CDH7: variants seen among roughly 807,000 people sequenced by gnomAD.
CDH7 encodes the protein cadherin-7.
CDH7 carries 25 observed loss-of-function variants against 71.8 expected under a neutral mutation model. The observed-to-expected ratio is 0.35, with a 90% CI of 0.25 to 0.49. CDH7 has a LOEUF of 0.49. Ranked by LOEUF, CDH7 falls within the 20% of genes least tolerant of loss-of-function variation. CDH7 has a pLI of 0.99. For missense variants in CDH7, 862 were observed against 974.6 expected, an observed-to-expected ratio of 0.88 and a Z score of 1.54; for synonymous variants, 381 against 363.8, an observed-to-expected ratio of 1.05 and a Z score of -0.54.
intron 1 of CDH7, among the ~76,000 whole-genome samples, chr18:65,760,480 A>G (rs915234948): frequency 1.3e-5 from 2 of 152,212 alleles, no homozygotes; most frequent in African/African-American, 4.8e-5. Flanking sequence ...CAATGTTACC[A>G]CATCCCCTCA....
intron 7 of CDH7, among the ~76,000 whole-genome samples, chr18:65,850,834 C>T (rs1279582437): frequency 2.1e-5 from 3 of 142,874 alleles, no homozygotes; most frequent in Non-Finnish European, 4.5e-5. Context: ...TTTTTTGAGA[C>T]AGGTCCTCAG....
At chr18:65,792,185 CTTTTTTTTT>C (rs71167149) in intron 2 of CDH7, among the ~76,000 whole-genome samples, 2 of 104,102 alleles carry the variant, frequency 1.9e-5, no homozygotes, top group Admixed American at 1.1e-4. Context: ...TGCAGCCAGT[CTTTTTTTTT>C]TTTTTTTTTT....
At chr18:65,831,014 C>T (rs1912331380) in intron 6 of CDH7, among the ~76,000 whole-genome samples, 1 of 151,916 alleles carries the variant, frequency 6.6e-6, no homozygotes, top group Admixed American at 6.6e-5. Flanking sequence ...TTTTATTATT[C>T]CAGCTAGTCT....
At chr18:65,821,449 G>T (rs1467393497) in intron 4 of CDH7, among the ~76,000 whole-genome samples, 3 of 152,036 alleles carry the variant, frequency 2.0e-5, no homozygotes, top group African/African-American at 7.2e-5. Context: ...CTTAAAGTGA[G>T]CCTGGATTGC....
At chr18:65,756,842 T>A (rs1916043306) in intron 1 of CDH7, among the ~76,000 whole-genome samples, 2 of 152,248 alleles carry the variant, frequency 1.3e-5, no homozygotes, top group Non-Finnish European at 2.9e-5. Context: ...CACTGTGTAC[T>A]TTTTAAAAAA....
chr18:65,880,581 C>T lies in CDH7; in HGVS notation c.2045C>T (p.Thr682Ile), dbSNP rs755656478. 1 of 1,613,884 alleles carries T rather than the reference C, an allele frequency of 6.2e-7. No homozygotes were observed. Among genetic ancestry groups the T allele is most frequent in the Admixed American group, 1.7e-5 (1 of 59,976 alleles). The stretch of plus-strand genomic sequence containing the variant: ...CTCAACGTCATCCGAGACACCAAGA[C>T]CCGGAGGGATGTGACTCCAGAAATT... ...RNLNVIRDTK[T>I]RRDVTPEIQF... Residue 682 changes from threonine (T) to isoleucine (I), a missense_variant, in exon 12 of 12, where the codon ACC becomes ATC. Transcript: ENST00000397968.
At chr18:65,769,550 T>C (rs1238437917) in intron 2 of CDH7, among the ~76,000 whole-genome samples, 1 of 152,230 alleles carries the variant, frequency 6.6e-6, no homozygotes, top group Non-Finnish European at 1.5e-5. Flanking sequence ...TTAACATTGG[T>C]ACAATACTAT....
intron 2 of CDH7, among the ~76,000 whole-genome samples, chr18:65,799,900 A>G (rs981212501): frequency 2.6e-4 from 40 of 152,206 alleles, no homozygotes; most frequent in Non-Finnish European, 1.9e-4. Context: ...GAATTTAAGT[A>G]TAGCCACTAT....
intron 6 of CDH7, among the ~76,000 whole-genome samples, chr18:65,834,717 T>A (rs764661958): frequency 2.0e-5 from 3 of 152,156 alleles, no homozygotes; most frequent in Non-Finnish European, 4.4e-5. Context: ...ATTAGAATAG[T>A]CAAGGAACTG....
intron 7 of CDH7, among the ~76,000 whole-genome samples, chr18:65,854,514 A>AC (rs1913279180): frequency 6.6e-6 from 1 of 151,498 alleles, no homozygotes; most frequent in East Asian, 2.0e-4. Flanking sequence ...CTCAACTTTA[A>AC]TTTTTTTTAT....
chr18:65,850,000 C>A (rs549266438), intron 7 of CDH7, among the ~76,000 whole-genome samples: 2 of 149,344 alleles, frequency 1.3e-5, no homozygotes, highest in Admixed American at 1.3e-4. Flanking sequence ...CCTGTCTTTA[C>A]CAAAAGTACA....
chr18:65,774,011 G>T (rs916596964), intron 2 of CDH7, among the ~76,000 whole-genome samples: 1 of 151,994 alleles, frequency 6.6e-6, no homozygotes, highest in Non-Finnish European at 1.5e-5. Flanking sequence ...TTCTCAAACT[G>T]TCCTTATACT....
rs746869419 is a variant in CDH7 at position 65,814,465 on chromosome 18, G to A, written c.506-20G>A. The A allele has an allele frequency of 6.8e-6, 11 of 1,613,614 alleles. No homozygotes were observed. The highest frequency in any genetic ancestry group is 6.7e-5 in the Admixed American group (4 of 59,982). On this transcript the variant is annotated intron_variant, in intron 3 of 11. Transcript: ENST00000397968. ...GTATTTGGAAGTTTTTAATTCAGTGGTTTTGGGATTGGCATCTAGGGACCT... is the reference window on the plus strand; with the variant it reads ...GTATTTGGAAGTTTTTAATTCAGTGATTTTGGGATTGGCATCTAGGGACCT...
At position 65,885,792 on chromosome 18, in the gene CDH7, A is replaced by G. The variant is rs1291833717; in HGVS notation, c.*4898A>G. 1 of 152,190 alleles carries G rather than the reference A, an allele frequency of 6.6e-6. No homozygotes were observed. Among genetic ancestry groups the G allele is most frequent in the East Asian group, 1.9e-4 (1 of 5,178 alleles). 9.4% of individuals were successfully genotyped at this position (152,190 alleles called of 1,614,324 possible). A position where few individuals can be genotyped will look rare whatever the true frequency, so the allele number is the denominator to read the frequency against. The stretch of plus-strand genomic sequence containing the variant: ...TGTTGTCACCTGCCAAGTGACTGTT[A>G]GGCAATAAGACTAGAAAATATGGTA... On this transcript the variant is annotated 3_prime_UTR_variant, in exon 12 of 12. Transcript: ENST00000397968.
chr18:65,790,145 C>T (rs886365578), intron 2 of CDH7, among the ~76,000 whole-genome samples: 2 of 148,792 alleles, frequency 1.3e-5, no homozygotes, highest in African/African-American at 5.0e-5. Context: ...GGCGTGAACC[C>T]AGGAGGCAGA....
Position 65,777,049 on chromosome 18 carries a change from C to T in CDH7, c.210+13997C>T, listed in dbSNP as rs935857133. ...GTCCAAAAGGGGAACTATTGCCAGG[C>T]TTTTAGGAGCTGCCGTTGCTAACAA... On this transcript the variant is annotated intron_variant, in intron 2 of 11. Coordinates refer to ENST00000397968, the MANE Select transcript of CDH7 (RefSeq NM_004361.5). Among the ~76,000 whole-genome samples, 37 of 152,090 alleles carry T rather than the reference C, an allele frequency of 2.4e-4. 1 individual carries two copies. The highest frequency in any genetic ancestry group is 7.7e-4 in the African/African-American group (32 of 41,422).
Position 65,822,163 on chromosome 18 carries a change from T to G in CDH7, c.708T>G (p.Val236=). 1 of 1,612,968 alleles carries G rather than the reference T, an allele frequency of 6.2e-7. No homozygotes were observed. Among genetic ancestry groups the G allele is most frequent in the Non-Finnish European group, 8.5e-7 (1 of 1,178,996 alleles). ...TTGTCATTCAGGCAAAGGATATGGTTGGTCAAAATGGAGGACTGTCAGGAA... is the reference window on the plus strand; with the variant it reads ...TTGTCATTCAGGCAAAGGATATGGTGGGTCAAAATGGAGGACTGTCAGGAA... The part of the protein sequence containing the change: ...YLLVIQAKDM[V]GQNGGLSGTT... The change falls in exon 5 of 12, where the codon GTT becomes GTG. Residue 236 remains valine (V), a synonymous_variant. Transcript: ENST00000397968.
At chr18:65,827,551 C>G (rs1224674143) in intron 6 of CDH7, among the ~76,000 whole-genome samples, 1 of 151,834 alleles carries the variant, frequency 6.6e-6, no homozygotes, top group Non-Finnish European at 1.5e-5. Context: ...TTTTCCATAT[C>G]ATTTTGAGCC....
At chr18:65,880,202 A>G (rs920631558) in intron 11 of CDH7, among the ~76,000 whole-genome samples, 199 bp from the exon 12 acceptor site, 1 of 152,204 alleles carries the variant, frequency 6.6e-6, no homozygotes, top group African/African-American at 2.4e-5. Flanking sequence ...TCCTTGATGT[A>G]TAAAAGTGTT....
Sources: allele counts gnomAD v4.1 joint callset (sites outside exome capture counted in the v4.1 genomes callset), GRCh38; gene constraint gnomAD v4.1.1; transcripts MANE v1.5; gene names NCBI Gene and HGNC (gene_info 2026-07-23, HGNC 2026-07-21).